The following ACKR1 variants were observed in gnomAD, a reference collection of about 807,000 sequenced individuals.
The protein encoded by ACKR1 is atypical chemokine receptor 1 (Duffy blood group), also known as atypical chemokine receptor 1.
Under a neutral mutation model 2.5 loss-of-function variants are expected in ACKR1, and 3 were observed. The observed-to-expected ratio is 1.18, with a 90% CI of 0.54 to 3.06. The LOEUF (loss-of-function observed/expected upper bound fraction) is 3.06, where lower values mean the gene tolerates loss of function less well. Ranked by LOEUF, ACKR1 falls within the 30% of genes most tolerant of loss-of-function variation. ACKR1 has a pLI of 0.03. For missense variants in ACKR1, 438 were observed against 395.2 expected, an observed-to-expected ratio of 1.11 and a Z score of -0.92; for synonymous variants, 208 against 178.2, an observed-to-expected ratio of 1.17 and a Z score of -1.33.
rs1426774194 is a variant in ACKR1, at chr1:159,206,115, T to C, written c.676T>C (p.Phe226Leu). The C allele has an allele frequency of 3.7e-6, 6 of 1,614,118 alleles. No individual in the cohort carries two copies. In the Admixed American group the frequency reaches 5.0e-5, roughly 13 times the overall value. The change falls in exon 2 of 2, where the codon TTT becomes CTT. Residue 226 changes from phenylalanine to leucine, a missense_variant. Phe to Leu is a conservative substitution (Grantham distance 22). Transcript: ENST00000368122. ...AIFVLLPLGL[F>L]GAKGLKKALG... ...CTTTGTCTTGTTGCCATTGGGTTTG[T>C]TTGGAGCCAAGGGGCTGAAGAAGGC...
rs946724278 is a variant in ACKR1, at chr1:159,206,276, G to A, written c.837G>A (p.Gln279=). 2 of 1,614,104 alleles carry A rather than the reference G, an allele frequency of 1.2e-6. No individual in the cohort carries two copies. Among genetic ancestry groups the A allele is most frequent in the Non-Finnish European group, 1.7e-6 (2 of 1,180,054 alleles). ...TGCTGTTGTCAACATGTCTGGCCCA[G>A]CAGGCTCTGGACCTGCTGCTGAACC... ...KLLLLSTCLA[Q]QALDLLLNLA... is the part of the protein sequence containing the mutation. The change falls in exon 2 of 2, where the codon CAG becomes CAA. Residue 279 remains glutamine, a synonymous_variant. Transcript: ENST00000368122.
At position 159,205,476 on chromosome 1, in the gene ACKR1, T is replaced by G. The variant is rs1049386788; in HGVS notation, c.37T>G (p.Ser13Ala). ...TGTCCTCCAGGCGGAGCTCTCCCCCTCAACTGAGAACTCAAGTCAGCTGGA... is the reference window on the plus strand; with the variant it reads ...TGTCCTCCAGGCGGAGCTCTCCCCCGCAACTGAGAACTCAAGTCAGCTGGA... Reference protein sequence around the residue: ...NCLHRAELSPSTENSSQLDFE... With the variant: ...NCLHRAELSPATENSSQLDFE... The change falls in exon 2 of 2, where the codon TCA (serine) becomes GCA (alanine). Residue 13 changes from serine to alanine, a missense_variant. Physicochemically the swap from Ser to Ala is moderately conservative, Grantham distance 99. Transcript: ENST00000368122. 9.9e-6 allele frequency: 16 copies of G among 1,611,614 alleles called. No homozygotes were observed. Among genetic ancestry groups the G allele is most frequent in the Non-Finnish European group, 1.3e-5 (15 of 1,178,500 alleles).
rs1650414314 is a variant in ACKR1, at chr1:159,205,619, T to C, written c.180T>C (p.Ser60=). The C allele has an allele frequency of 1.2e-6, 2 of 1,614,124 alleles. No homozygotes were observed. The highest frequency in any genetic ancestry group is 2.2e-5 in the East Asian group (1 of 44,896). ...PCHSCNLLDD[S]ALPFFILTSV... is the part of the protein sequence containing the mutation. ...ACTCCTGTAACCTGCTGGATGACTC[T>C]GCACTGCCCTTCTTCATCCTCACCA... Residue 60 remains serine (S), a synonymous_variant, in exon 2 of 2, where the codon TCT becomes TCC. Coordinates refer to ENST00000368122, the MANE Select transcript of ACKR1 (RefSeq NM_002036.4).
At position 159,205,638 on chromosome 1, in the gene ACKR1, C is replaced by A; in HGVS notation, c.199C>A (p.Leu67Ile). 1 of 1,614,208 alleles carries A rather than the reference C, an allele frequency of 6.2e-7. No individual in the cohort carries two copies. Among genetic ancestry groups the A allele is most frequent in the South Asian group, 1.1e-5 (1 of 91,078 alleles). Residue 67 changes from leucine to isoleucine, a missense_variant, in exon 2 of 2, where the codon CTC (leucine) becomes ATC (isoleucine). Physicochemically the swap from Leu to Ile is conservative, Grantham distance 5. Transcript: ENST00000368122. ...TGACTCTGCACTGCCCTTCTTCATC[C>A]TCACCAGTGTCCTGGGTATCCTAGC... is the stretch of plus-strand genomic sequence containing the variant. ...LDDSALPFFI[L>I]TSVLGILASS...
rs1801482 is a variant in ACKR1, at chr1:159,206,338, C to T, written c.899C>T (p.Thr300Met). ...EALAILHCVATPLLLALFCHQ... is the reference protein window; with the variant it reads ...EALAILHCVAMPLLLALFCHQ... ...CTGGCAATTTTGCACTGTGTGGCTA[C>T]GCCCCTGCTCCTCGCCCTATTCTGC... Residue 300 changes from threonine to methionine, a missense_variant, in exon 2 of 2, where the codon ACG becomes ATG. Transcript: ENST00000368122. 2.0e-5 allele frequency: 32 copies of T among 1,614,228 alleles called. No individual in the cohort carries two copies. Among genetic ancestry groups the T allele is most frequent in the African/African-American group, 6.7e-5 (5 of 75,056 alleles).
rs1296576349 is a variant in ACKR1 at position 159,206,317 on chromosome 1, C to A, written c.878C>A (p.Ala293Glu). Residue 293 changes from alanine to glutamate, a missense_variant, in exon 2 of 2, where the codon GCA becomes GAA. By Grantham distance (107) the Ala-to-Glu change is moderately radical. Coordinates refer to ENST00000368122, the MANE Select transcript of ACKR1 (RefSeq NM_002036.4). ...CTGCTGAACCTGGCAGAAGCCCTGGCAATTTTGCACTGTGTGGCTACGCCC... is the reference window on the plus strand; with the variant it reads ...CTGCTGAACCTGGCAGAAGCCCTGGAAATTTTGCACTGTGTGGCTACGCCC... ...DLLLNLAEAL[A>E]ILHCVATPLL... is the part of the protein sequence containing the mutation. 2 of 1,614,124 alleles carry A rather than the reference C, an allele frequency of 1.2e-6. No homozygotes were observed. The highest frequency in any genetic ancestry group is 1.7e-5 in the Admixed American group (1 of 60,008).
chr1:159,205,093 CCT>C, intron 1 of ACKR1, 113 bp downstream of exon 1: 1 of 1,323,674 alleles, frequency 7.6e-7, no homozygotes, highest in Non-Finnish European at 1.0e-6. Context: ...TTTCTCCCTT[CCT>C]GCTTTTTTCC....
Position 159,204,939 on chromosome 1 carries a change from G to A in ACKR1, c.-21G>A, listed in dbSNP as rs575571242. 6 of 1,614,152 alleles carry A rather than the reference G, an allele frequency of 3.7e-6. No individual in the cohort carries two copies. Among genetic ancestry groups the A allele is most frequent in the South Asian group, 3.3e-5 (3 of 91,084 alleles). On this transcript the variant is annotated 5_prime_UTR_variant, in exon 1 of 2. Coordinates refer to ENST00000368122, the MANE Select transcript of ACKR1 (RefSeq NM_002036.4). Reference sequence around the variant, plus strand: ...CAGCCGTCCCAGCCCTTCTGTCTGCGGGCCTGAACCAAACGGTGCCATGGG... The same window carrying A: ...CAGCCGTCCCAGCCCTTCTGTCTGCAGGCCTGAACCAAACGGTGCCATGGG...
chr1:159,205,190 A>G (rs761117926), intron 1 of ACKR1: 17 of 669,228 alleles, frequency 2.5e-5, no homozygotes, highest in Non-Finnish European at 4.1e-5. Context: ...CCTTTGAGTC[A>G]GTTCCATCCT....
At position 159,205,737 on chromosome 1, in the gene ACKR1, G is replaced by T; in HGVS notation, c.298G>T (p.Ala100Ser). Residue 100 changes from alanine (A) to serine (S), a missense_variant, in exon 2 of 2, where the codon GCA (alanine) becomes TCA (serine). Ala to Ser is a moderately conservative substitution (Grantham distance 99, BLOSUM62 1). Coordinates refer to ENST00000368122, the MANE Select transcript of ACKR1 (RefSeq NM_002036.4). ...GCTCTGCCCTGGCTGGCCTGTCCTG[G>T]CACAGCTGGCTGTGGGCAGTGCCCT... ...WQLCPGWPVL[A>S]QLAVGSALFS... 1 of 1,614,082 alleles carries T rather than the reference G, an allele frequency of 6.2e-7. No individual in the cohort carries two copies. The highest frequency in any genetic ancestry group is 8.5e-7 in the Non-Finnish European group (1 of 1,180,008).
At position 159,204,967 on chromosome 1, in the gene ACKR1, A is replaced by G. The variant is rs745464625; in HGVS notation, c.8A>G (p.Asn3Ser). ...CCTGAACCAAACGGTGCCATGGGGA[A>G]CTGTCTGCACAGGGTGAGTATGGGG... MG[N>S]CLHRAELSPS... Residue 3 changes from asparagine to serine, a missense_variant, in exon 1 of 2, where the codon AAC becomes AGC. Transcript: ENST00000368122. The G allele has an allele frequency of 1.9e-6, 3 of 1,614,116 alleles. No homozygotes were observed. The highest frequency in any genetic ancestry group is 1.7e-4 in the Middle Eastern group (1 of 6,060).
In ACKR1 at chr1:159,205,501, ACTT is replaced by A; in HGVS notation, c.64_66del (p.Phe22del). The A allele has an allele frequency of 6.2e-7, 1 of 1,613,800 alleles. No homozygotes were observed. The highest frequency in any genetic ancestry group is 8.5e-7 in the Non-Finnish European group (1 of 1,179,806). ...TCAACTGAGAACTCAAGTCAGCTGGACTTCGAAGATGTATGGAATTCTTCCTAT... is the reference window on the plus strand; with the variant it reads ...TCAACTGAGAACTCAAGTCAGCTGGACGAAGATGTATGGAATTCTTCCTAT... On this transcript the variant is annotated inframe_deletion, in exon 2 of 2. Transcript: ENST00000368122.
chr1:159,205,437 G>T (rs775647422), intron 1 of ACKR1, 24 bp from the exon 2 acceptor site: 1 of 1,588,612 alleles, frequency 6.3e-7, no homozygotes, highest in South Asian at 1.2e-5. Context: ...AACTCTGATG[G>T]CCTCCTCTGG....
chr1:159,206,065 C>T lies in ACKR1; in HGVS notation c.626C>T (p.Thr209Ile). 1 of 1,614,250 alleles carries T rather than the reference C, an allele frequency of 6.2e-7. No individual in the cohort carries two copies. The highest frequency in any genetic ancestry group is 8.5e-7 in the Non-Finnish European group (1 of 1,180,036). Reference sequence around the variant, plus strand: ...ACGGAGCTGAAGGCTTTGCAGGCCACACACACTGTAGCCTGTCTTGCCATC... The same window carrying T: ...ACGGAGCTGAAGGCTTTGCAGGCCATACACACTGTAGCCTGTCTTGCCATC... ...YSTELKALQA[T>I]HTVACLAIFV... is the part of the protein sequence containing the mutation. Residue 209 changes from threonine (T) to isoleucine (I), a missense_variant, in exon 2 of 2, where the codon ACA (threonine) becomes ATA (isoleucine). Coordinates refer to ENST00000368122, the MANE Select transcript of ACKR1 (RefSeq NM_002036.4).
Position 159,206,400 on chromosome 1 carries a change from C to G in ACKR1, c.961C>G (p.Leu321Val). The change falls in exon 2 of 2, where the codon CTC (leucine) becomes GTC (valine). Residue 321 changes from leucine to valine, a missense_variant. Leu to Val is a conservative substitution (Grantham distance 32). Transcript: ENST00000368122. ...ATRTLLPSLP[L>V]PEGWSSHLDT... ...CCGCACCCTCTTGCCCTCTCTGCCC[C>G]TCCCTGAAGGATGGTCTTCTCATCT... The G allele has an allele frequency of 6.2e-7, 1 of 1,614,204 alleles. No individual in the cohort carries two copies. Among genetic ancestry groups the G allele is most frequent in the Non-Finnish European group, 8.5e-7 (1 of 1,180,020 alleles).
chr1:159,205,335 G>T, intron 1 of ACKR1, 126 bp from the exon 2 acceptor site: 3 of 1,184,112 alleles, frequency 2.5e-6, no homozygotes, highest in South Asian at 3.0e-5. Context: ...CACTGCATCT[G>T]ACTCCTGCAG....
In ACKR1 at chr1:159,206,151, G is replaced by C; in HGVS notation, c.712G>C (p.Gly238Arg). 1 of 1,614,248 alleles carries C rather than the reference G, an allele frequency of 6.2e-7. No individual in the cohort carries two copies. The highest frequency in any genetic ancestry group is 8.5e-7 in the Non-Finnish European group (1 of 1,180,044). The part of the protein sequence containing the change: ...AKGLKKALGM[G>R]PGPWMNILWA... ...GGGGCTGAAGAAGGCATTGGGTATG[G>C]GGCCAGGCCCCTGGATGAATATCCT... The change falls in exon 2 of 2, where the codon GGG becomes CGG. Residue 238 changes from glycine (G) to arginine (R), a missense_variant. Coordinates refer to ENST00000368122, the MANE Select transcript of ACKR1 (RefSeq NM_002036.4).
At position 159,205,671 on chromosome 1, in the gene ACKR1, A is replaced by C. The variant is rs1242391407; in HGVS notation, c.232A>C (p.Thr78Pro). 1 of 1,614,204 alleles carries C rather than the reference A, an allele frequency of 6.2e-7. No homozygotes were observed. The highest frequency in any genetic ancestry group is 1.1e-5 in the South Asian group (1 of 91,084). Residue 78 changes from threonine (T) to proline (P), a missense_variant, in exon 2 of 2, where the codon ACT becomes CCT. Coordinates refer to ENST00000368122, the MANE Select transcript of ACKR1 (RefSeq NM_002036.4). ...TGTCCTGGGTATCCTAGCTAGCAGC[A>C]CTGTCCTCTTCATGCTTTTCAGACC... ...TSVLGILASSTVLFMLFRPLF... is the reference protein window; with the variant it reads ...TSVLGILASSPVLFMLFRPLF...
chr1:159,205,330 C>A, intron 1 of ACKR1, 131 bp from the exon 2 acceptor site: 1 of 1,123,808 alleles, frequency 8.9e-7, no homozygotes, highest in African/African-American at 1.6e-5. Flanking sequence ...GTCCGCACTG[C>A]ATCTGACTCC....
Sources: gnomAD v4.1 joint callset for allele counts on GRCh38, gnomAD v4.1.1 for gene constraint, MANE v1.5 for transcripts, NCBI Gene and HGNC (gene_info 2026-07-23, HGNC 2026-07-21) for gene names.